RAD51B: variants seen among roughly 807,000 people sequenced by gnomAD.
RAD51B encodes the protein DNA repair protein RAD51 homolog 2.
A neutral mutation model predicts 42.2 loss-of-function variants in RAD51B; 38 were observed. That is an observed-to-expected ratio of 0.90 (90% CI 0.70 to 1.18). The LOEUF (loss-of-function observed/expected upper bound fraction) is 1.18, where lower values mean the gene tolerates loss of function less well. RAD51B is among the 50% of genes most tolerant of loss of function. The pLI is 0.00. For synonymous variants in RAD51B, 154 were observed against 145.2 expected, an observed-to-expected ratio of 1.06 and a Z score of -0.43; for missense variants, 373 against 400.7, an observed-to-expected ratio of 0.93 and a Z score of 0.59.
chr14:68,633,977 A>C (rs534517431), intron 10 of RAD51B, among the ~76,000 whole-genome samples: 1 of 152,322 alleles, frequency 6.6e-6, no homozygotes, highest in South Asian at 2.1e-4. Context: ...GAGTTTGGCA[A>C]CTGTCTTCCA....
chr14:68,574,005 TGC>T (rs769225626), intron 10 of RAD51B, among the ~76,000 whole-genome samples: 3 of 144,350 alleles, frequency 2.1e-5, no homozygotes, highest in African/African-American at 7.7e-5. Flanking sequence ...TGTGTGTGTG[TGC>T]TCACTCACAT....
chr14:68,602,871 T>C (rs374807087), intron 10 of RAD51B, among the ~76,000 whole-genome samples: 4 of 152,302 alleles, frequency 2.6e-5, no homozygotes, highest in African/African-American at 9.6e-5. Context: ...GCAGTGCTCG[T>C]ATAAATCTCC....
intron 5 of RAD51B, among the ~76,000 whole-genome samples, chr14:67,885,054 T>C (rs957468252): frequency 2.0e-5 from 3 of 152,198 alleles, no homozygotes; most frequent in African/African-American, 7.2e-5. Context: ...CCAGTTCCCC[T>C]GGGATGGCTA....
chr14:68,646,295 G>C (rs560180707), intron 10 of RAD51B, among the ~76,000 whole-genome samples: 11 of 152,140 alleles, frequency 7.2e-5, no homozygotes, highest in African/African-American at 2.7e-4. Context: ...ACAAAAGTTT[G>C]CTTCTTTGAT....
intron 10 of RAD51B, among the ~76,000 whole-genome samples, chr14:68,593,233 C>T (rs986176785): frequency 6.6e-6 from 1 of 152,252 alleles, no homozygotes; most frequent in Non-Finnish European, 1.5e-5. Context: ...ATGAACCTCT[C>T]TGGGTTTCAG....
At chr14:68,320,225 C>T (rs1566806656) in intron 8 of RAD51B, among the ~76,000 whole-genome samples, 1 of 152,106 alleles carries the variant, frequency 6.6e-6, no homozygotes, top group Non-Finnish European at 1.5e-5. Flanking sequence ...AATCTTTGTC[C>T]GTGTGTATCA....
At chr14:68,200,841 A>G (rs554883604) in intron 7 of RAD51B, among the ~76,000 whole-genome samples, 32 of 152,042 alleles carry the variant, frequency 2.1e-4, no homozygotes, top group South Asian at 4.2e-4. Context: ...TATTTTTAGT[A>G]GAGATGAGGT....
At chr14:67,957,016 A>G (rs927158489) in intron 7 of RAD51B, among the ~76,000 whole-genome samples, 1 of 152,174 alleles carries the variant, frequency 6.6e-6, no homozygotes, top group African/African-American at 2.4e-5. Flanking sequence ...AGGTGTTGTG[A>G]TAGAGTGAGA....
intron 7 of RAD51B, among the ~76,000 whole-genome samples, chr14:68,287,781 A>C (rs1291219811): frequency 6.6e-6 from 1 of 152,224 alleles, no homozygotes; most frequent in Non-Finnish European, 1.5e-5. Flanking sequence ...GCAAGGTATA[A>C]ATCAGCAAAG....
At chr14:68,147,020 T>C (rs1027189036) in intron 7 of RAD51B, among the ~76,000 whole-genome samples, 2 of 152,126 alleles carry the variant, frequency 1.3e-5, no homozygotes, top group Admixed American at 6.5e-5. Context: ...CCAGAGGAAT[T>C]TGGCAAGCAT....
intron 10 of RAD51B, among the ~76,000 whole-genome samples, chr14:68,591,517 C>T (rs1039543468): frequency 1.3e-5 from 2 of 152,198 alleles, no homozygotes; most frequent in Non-Finnish European, 2.9e-5. Flanking sequence ...CTATGATAAT[C>T]GATATCCTTC....
chr14:67,946,421 T>C (rs926212567), intron 7 of RAD51B, among the ~76,000 whole-genome samples: 2 of 152,102 alleles, frequency 1.3e-5, no homozygotes, highest in Non-Finnish European at 2.9e-5. Context: ...TAGGCTGGAG[T>C]GCAGTGGTGC....
intron 8 of RAD51B, among the ~76,000 whole-genome samples, chr14:68,410,580 A>G (rs1352682118): frequency 6.6e-6 from 1 of 152,040 alleles, no homozygotes; most frequent in East Asian, 1.9e-4. Flanking sequence ...ACAGGGGTTC[A>G]GAGGAGGCCT....
intron 10 of RAD51B, among the ~76,000 whole-genome samples, chr14:68,514,670 G>T (rs1408920708): frequency 1.3e-5 from 2 of 152,142 alleles, no homozygotes; most frequent in African/African-American, 4.8e-5. Flanking sequence ...CAGGCATTTG[G>T]CGGGTGGAAG....
chr14:67,855,987 A>G (rs2041986511), intron 4 of RAD51B, among the ~76,000 whole-genome samples: 1 of 152,360 alleles, frequency 6.6e-6, no homozygotes, highest in South Asian at 2.1e-4. Context: ...CCAATTCTTC[A>G]CTTACTCTCT....
At chr14:67,838,888 A>G (rs918047053) in intron 4 of RAD51B, among the ~76,000 whole-genome samples, 5 of 151,634 alleles carry the variant, frequency 3.3e-5, no homozygotes, top group African/African-American at 1.2e-4. Flanking sequence ...CCTAGCTAAA[A>G]TACTAATTTG....
intron 10 of RAD51B, among the ~76,000 whole-genome samples, chr14:68,582,353 C>T (rs1448756143): frequency 6.6e-6 from 1 of 152,162 alleles, no homozygotes; most frequent in African/African-American, 2.4e-5. Context: ...AGGATATGAA[C>T]AGACACTTCT....
intron 7 of RAD51B, among the ~76,000 whole-genome samples, chr14:68,103,151 C>CA (rs928569650): frequency 6.6e-6 from 1 of 152,204 alleles, no homozygotes; most frequent in African/African-American, 2.4e-5. Flanking sequence ...GGTGGGCACA[C>CA]AGCCAAACCA....
At chr14:68,179,690 A>G (rs946696397) in intron 7 of RAD51B, among the ~76,000 whole-genome samples, 8 of 152,206 alleles carry the variant, frequency 5.3e-5, no homozygotes, top group Non-Finnish European at 1.0e-4. Flanking sequence ...CATCTCTAGT[A>G]ATAACATAAT....
Sources: allele counts gnomAD v4.1 joint callset (sites outside exome capture counted in the v4.1 genomes callset), GRCh38; gene constraint gnomAD v4.1.1; transcripts MANE v1.5; gene names NCBI Gene and HGNC (gene_info 2026-07-23, HGNC 2026-07-21).